Variants in TBCA observed in about 807,000 individuals in gnomAD.
TBCA encodes the protein tubulin-specific chaperone A.
A neutral mutation model predicts 15.8 loss-of-function variants in TBCA; 6 were observed. The observed-to-expected ratio is 0.38, with a 90% CI of 0.21 to 0.75. TBCA has a LOEUF of 0.75. Among genes scored for constraint, TBCA ranks in the 30% least tolerant of loss-of-function variants. The probability of loss-of-function intolerance (pLI) is 0.46; values close to 1 mark genes in which losing one functional copy is unlikely to be tolerated. For synonymous variants in TBCA, 32 were observed against 42.3 expected, an observed-to-expected ratio of 0.76 and a Z score of 0.94; for missense variants, 90 against 131.2, an observed-to-expected ratio of 0.69 and a Z score of 1.53.
At chr5:77,744,961 G>T (rs1044791229) in intron 1 of TBCA, among the ~76,000 whole-genome samples, 2 of 152,200 alleles carry the variant, frequency 1.3e-5, no homozygotes, top group African/African-American at 4.8e-5. Context: ...CTTCCCAGCT[G>T]TGTATCTTTG....
intron 1 of TBCA, among the ~76,000 whole-genome samples, chr5:77,763,785 C>T (rs1747708447): frequency 6.6e-6 from 1 of 152,166 alleles, no homozygotes; most frequent in South Asian, 2.1e-4. Context: ...CATTTATAAG[C>T]CACCCAGTCT....
intron 1 of TBCA, among the ~76,000 whole-genome samples, chr5:77,743,179 A>C (rs919580596): frequency 1.3e-5 from 2 of 152,232 alleles, no homozygotes; most frequent in African/African-American, 2.4e-5. Flanking sequence ...GGAGAAATAA[A>C]TGCCAGTGTC....
At chr5:77,765,351 C>G (rs1747745707) in intron 1 of TBCA, among the ~76,000 whole-genome samples, 1 of 152,236 alleles carries the variant, frequency 6.6e-6, no homozygotes, top group Non-Finnish European at 1.5e-5. Context: ...CTAGACCATA[C>G]TTTGGAAGCT....
intron 1 of TBCA, among the ~76,000 whole-genome samples, chr5:77,753,389 T>A (rs1747401566): frequency 6.6e-6 from 1 of 152,228 alleles, no homozygotes; most frequent in African/African-American, 2.4e-5. Flanking sequence ...TATACAGATA[T>A]AAGAGACATG....
chr5:77,709,725 T>A (rs1428880484), intron 1 of TBCA, among the ~76,000 whole-genome samples: 1 of 152,136 alleles, frequency 6.6e-6, no homozygotes, highest in African/African-American at 2.4e-5. Context: ...AGAAAACATG[T>A]CTATGGATGT....
chr5:77,753,485 A>G (rs1184975094), intron 1 of TBCA, among the ~76,000 whole-genome samples: 1 of 152,242 alleles, frequency 6.6e-6, no homozygotes, highest in Non-Finnish European at 1.5e-5. Flanking sequence ...AAAAAATGTT[A>G]CAACAAAAGC....
At chr5:77,733,547 C>A (rs1746825069) in intron 1 of TBCA, among the ~76,000 whole-genome samples, 1 of 152,176 alleles carries the variant, frequency 6.6e-6, no homozygotes, top group Non-Finnish European at 1.5e-5. Flanking sequence ...AAAGCTGAAT[C>A]CAGAGCGAGG....
intron 1 of TBCA, among the ~76,000 whole-genome samples, chr5:77,761,660 T>C (rs993963947): frequency 6.6e-5 from 10 of 151,580 alleles, no homozygotes; most frequent in African/African-American, 2.4e-4. Flanking sequence ...AATACTCTAA[T>C]GCAAGTAACA....
chr5:77,710,186 T>C (rs1217522987), intron 1 of TBCA, among the ~76,000 whole-genome samples: 3 of 152,092 alleles, frequency 2.0e-5, no homozygotes, highest in African/African-American at 7.2e-5. Context: ...ATAAAGCTGT[T>C]GGCAAAAAGG....
intron 1 of TBCA, among the ~76,000 whole-genome samples, chr5:77,749,085 C>T (rs1473027376): frequency 6.6e-6 from 1 of 152,202 alleles, no homozygotes; most frequent in African/African-American, 2.4e-5. Flanking sequence ...TTCAGCACCA[C>T]TAGTGGGTCC....
chr5:77,734,213 C>T (rs187233572), intron 1 of TBCA, among the ~76,000 whole-genome samples: 3 of 152,190 alleles, frequency 2.0e-5, no homozygotes, highest in African/African-American at 4.8e-5. Flanking sequence ...TAATACAACA[C>T]CCATTCTGCA....
At chr5:77,761,599 C>T (rs1213394788) in intron 1 of TBCA, among the ~76,000 whole-genome samples, 3 of 151,944 alleles carry the variant, frequency 2.0e-5, no homozygotes, top group African/African-American at 4.8e-5. Context: ...CCTGCCACAT[C>T]CCCCTCTCCG....
chr5:77,755,270 G>A (rs930699651), intron 1 of TBCA, among the ~76,000 whole-genome samples: 1 of 152,112 alleles, frequency 6.6e-6, no homozygotes, highest in African/African-American at 2.4e-5. Context: ...AATGTAATTT[G>A]CCCATCAGTT....
rs558504596 is a variant in TBCA at position 77,714,235 on chromosome 5, G to A, written c.54-5888C>T. On this transcript the variant is annotated intron_variant, in intron 1 of 3. Transcript: ENST00000380377. ...CTTGGGAGGCTGAGCCAGGAGAATC[G>A]CTTGAACCCGGGAGGCGGAGGCTGC... Among the ~76,000 whole-genome samples, 28 of 152,116 alleles carry A rather than the reference G, an allele frequency of 1.8e-4. No homozygotes were observed. The South Asian group carries it at 5.6e-3, about 30-fold the overall frequency.
intron 1 of TBCA, among the ~76,000 whole-genome samples, chr5:77,762,095 T>C (rs1274520181): frequency 6.6e-6 from 1 of 152,148 alleles, no homozygotes; most frequent in African/African-American, 2.4e-5. Flanking sequence ...GCTATGTGCA[T>C]GTGGGGAAGG....
chr5:77,699,033 CAAAA>C (rs71608119), intron 2 of TBCA, among the ~76,000 whole-genome samples: 3 of 70,100 alleles, frequency 4.3e-5, no homozygotes, highest in African/African-American at 1.9e-4. Context: ...GCAAGAGCAT[CAAAA>C]AAAAAAAAAA....
chr5:77,770,690 T>G (rs759098974), intron 1 of TBCA, among the ~76,000 whole-genome samples: 9 of 147,746 alleles, frequency 6.1e-5, no homozygotes, highest in Non-Finnish European at 1.2e-4. Flanking sequence ...CAGATATCAA[T>G]AGGTCTAGCA....
At chr5:77,720,433 G>A (rs1746506014) in intron 1 of TBCA, among the ~76,000 whole-genome samples, 1 of 152,198 alleles carries the variant, frequency 6.6e-6, no homozygotes, top group African/African-American at 2.4e-5. Flanking sequence ...AGCCAAGTCG[G>A]CCAGGCGCGG....
chr5:77,772,465 T>C (rs908628582), intron 1 of TBCA, among the ~76,000 whole-genome samples: 46 of 151,772 alleles, frequency 3.0e-4, no homozygotes, highest in African/African-American at 1.1e-3. Flanking sequence ...TCCCAGAACT[T>C]AAAGTAAAAT....
Sources: gnomAD v4.1 joint callset for allele counts (sites outside exome capture counted in the v4.1 genomes callset) on GRCh38, gnomAD v4.1.1 for gene constraint, MANE v1.5 for transcripts, NCBI Gene and HGNC (gene_info 2026-07-23, HGNC 2026-07-21) for gene names.